RBFOX1: variants seen among roughly 807,000 people sequenced by gnomAD.
The protein encoded by RBFOX1 is RNA binding protein fox-1 homolog 1.
A neutral mutation model predicts 57.7 loss-of-function variants in RBFOX1; 8 were observed. That is an observed-to-expected ratio of 0.14 (90% CI 0.08 to 0.25). The LOEUF (loss-of-function observed/expected upper bound fraction) is 0.25, where lower values mean the gene tolerates loss of function less well. Among genes scored for constraint, RBFOX1 ranks in the 10% least tolerant of loss-of-function variants. The pLI, the probability that RBFOX1 is intolerant of heterozygous loss-of-function variation, is 1.00. For synonymous variants in RBFOX1, 326 were observed against 222.4 expected (o/e 1.47, Z -4.15); for missense variants, 611 against 548.5 (o/e 1.11, Z -1.14).
chr16:6,966,280 G>A (rs978361898), intron 3 of RBFOX1, among the ~76,000 whole-genome samples: 1 of 152,132 alleles, frequency 6.6e-6, no homozygotes, highest in Non-Finnish European at 1.5e-5. Flanking sequence ...CGTTGACTGG[G>A]CACTCCTGCA....
In RBFOX1 at chr16:6,794,276, C is replaced by T. The variant is rs796309287; in HGVS notation, c.-16+139626C>T. ...CCATGTTGTGTGTTGTTTTCTTGTT[C>T]GTGATTTTTTTTTTTTTTTTTTTTT... On this transcript the variant is annotated intron_variant, in intron 3 of 15. Coordinates refer to ENST00000550418, the MANE Select transcript of RBFOX1 (RefSeq NM_018723.4). 1.8e-4 allele frequency among the ~76,000 whole-genome samples: 20 copies of T among 109,414 alleles called. No homozygotes were observed. In the South Asian group the frequency reaches 2.8e-3, roughly 16 times the overall value. 71.8% of individuals were successfully genotyped at this position (109,414 alleles called of 152,430 possible). A position where few individuals can be genotyped will look rare whatever the true frequency, so the allele number is the denominator to read the frequency against.
At chr16:6,670,832 C>T (rs558906679) in intron 3 of RBFOX1, among the ~76,000 whole-genome samples, 3 of 151,178 alleles carry the variant, frequency 2.0e-5, no homozygotes, top group African/African-American at 4.9e-5. Flanking sequence ...CCTGTCTCTA[C>T]TAAAAATGCA....
chr16:6,630,653 G>A (rs2098373423), intron 2 of RBFOX1, among the ~76,000 whole-genome samples: 1 of 152,094 alleles, frequency 6.6e-6, no homozygotes, highest in South Asian at 2.1e-4. Flanking sequence ...CTAGCTGATT[G>A]GTAATACTTA....
chr16:5,776,540 C>G lies in RBFOX1; in HGVS notation c.319-90763C>G, dbSNP rs118017129. Among the ~76,000 whole-genome samples the G allele has an allele frequency of 2.3e-3, 350 of 152,290 alleles. 7 individuals carry two copies. The East Asian group carries it at 0.047, about 20-fold the overall frequency. Reference sequence around the variant, plus strand: ...ATAAGGGTTGGTATTTATTACGTGCCCACTAGTCTGCACCACGTACTGTGC... The same window carrying G: ...ATAAGGGTTGGTATTTATTACGTGCGCACTAGTCTGCACCACGTACTGTGC... On this transcript the variant is annotated intron_variant, in intron 3 of 19. Transcript: ENST00000641259.
At chr16:7,456,855 C>A (rs1432364606) in intron 4 of RBFOX1, among the ~76,000 whole-genome samples, 1 of 152,076 alleles carries the variant, frequency 6.6e-6, no homozygotes, top group Admixed American at 6.5e-5. Flanking sequence ...GAGGAAAGGG[C>A]ATATTTTGGG....
At chr16:7,295,691 T>G (rs1386157760) in intron 4 of RBFOX1, among the ~76,000 whole-genome samples, 5 of 152,010 alleles carry the variant, frequency 3.3e-5, no homozygotes. Flanking sequence ...AGTACACCTT[T>G]TGCAGTCTCG....
At chr16:6,579,648 G>A (rs1298975309) in intron 2 of RBFOX1, among the ~76,000 whole-genome samples, 1 of 152,174 alleles carries the variant, frequency 6.6e-6, no homozygotes, top group South Asian at 2.1e-4. Context: ...GGCTTCCCAA[G>A]CCATGCTGAA....
intron 5 of RBFOX1, among the ~76,000 whole-genome samples, chr16:7,542,699 G>GAAAAAAAAAAAAAAAAAAAAAAA (rs59316335): frequency 1.3e-5 from 1 of 74,366 alleles, no homozygotes; most frequent in Non-Finnish European, 2.5e-5. Flanking sequence ...TACTAAAAAT[G>GAAAAAAAAAAAAAAAAAAAAAAA]AAAAAAAAAA....
At chr16:6,766,001 G>A (rs1442888936) in intron 3 of RBFOX1, among the ~76,000 whole-genome samples, 1 of 151,960 alleles carries the variant, frequency 6.6e-6, no homozygotes, top group Non-Finnish European at 1.5e-5. Flanking sequence ...GGGGGATGAG[G>A]AGCAAAAAAC....
chr16:7,499,293 A>G lies in RBFOX1; in HGVS notation c.28-18854A>G, dbSNP rs1161444643. ...CATCACCCATTCATCTTCAGATGGT[A>G]TGCATATCTGTGTCCACACTTTCCC... On this transcript the variant is annotated intron_variant, in intron 4 of 15. Coordinates refer to ENST00000550418, the MANE Select transcript of RBFOX1 (RefSeq NM_018723.4). 2.6e-5 allele frequency among the ~76,000 whole-genome samples: 4 copies of G among 152,148 alleles called. No individual in the cohort carries two copies. In the East Asian group the frequency reaches 7.7e-4, roughly 29 times the overall value.
intron 14 of RBFOX1, among the ~76,000 whole-genome samples, chr16:7,706,112 G>A (rs2082354238): frequency 1.3e-5 from 2 of 152,164 alleles, no homozygotes; most frequent in African/African-American, 4.8e-5. Context: ...CATATCTGCT[G>A]CAAACGTAGC....
intron 4 of RBFOX1, among the ~76,000 whole-genome samples, chr16:5,868,860 A>C (rs529639172): frequency 4.4e-4 from 67 of 152,340 alleles, no homozygotes; most frequent in Non-Finnish European, 8.5e-4. Flanking sequence ...TGGCAACGGC[A>C]GTGTTTCCTC....
intron 3 of RBFOX1, among the ~76,000 whole-genome samples, chr16:5,775,863 A>G (rs975120676): frequency 5.9e-5 from 9 of 152,204 alleles, no homozygotes; most frequent in South Asian, 2.1e-4. Context: ...GAGAAAGACT[A>G]TCGGACGAGT....
At chr16:5,795,517 C>T (rs2054848833) in intron 3 of RBFOX1, among the ~76,000 whole-genome samples, 1 of 152,026 alleles carries the variant, frequency 6.6e-6, no homozygotes, top group Non-Finnish European at 1.5e-5. Flanking sequence ...TTGTGAATTC[C>T]TGGGCTCAAA....
chr16:5,416,193 C>T (rs1227100368), intron 1 of RBFOX1, among the ~76,000 whole-genome samples: 1 of 152,186 alleles, frequency 6.6e-6, no homozygotes, highest in Non-Finnish European at 1.5e-5. Context: ...CTCCTGGACA[C>T]TATGGTCCCA....
intron 2 of RBFOX1, among the ~76,000 whole-genome samples, chr16:6,501,223 T>C (rs920373136): frequency 2.7e-5 from 4 of 150,776 alleles, no homozygotes; most frequent in Admixed American, 1.3e-4. Flanking sequence ...ATGTGCCATG[T>C]TGGTGTGCTG....
chr16:6,871,889 C>G (rs925806499), intron 3 of RBFOX1, among the ~76,000 whole-genome samples: 11 of 148,608 alleles, frequency 7.4e-5, no homozygotes, highest in East Asian at 2.0e-4. Flanking sequence ...ACAATCCAGG[C>G]TCTTTGAGAG....
chr16:6,558,225 ACT>A (rs1427259851), intron 2 of RBFOX1, among the ~76,000 whole-genome samples: 1 of 151,916 alleles, frequency 6.6e-6, no homozygotes, highest in East Asian at 1.9e-4. Context: ...GGGTGAAATG[ACT>A]CTATGTGGCT....
intron 2 of RBFOX1, among the ~76,000 whole-genome samples, chr16:5,530,701 C>T (rs762861216): frequency 1.3e-5 from 2 of 152,094 alleles, no homozygotes; most frequent in African/African-American, 4.8e-5. Flanking sequence ...CCAGGTGAGA[C>T]TACCAAAAAC....
Sources: allele counts gnomAD v4.1 joint callset (sites outside exome capture counted in the v4.1 genomes callset), GRCh38; gene constraint gnomAD v4.1.1; transcripts MANE v1.5; gene names NCBI Gene and HGNC (gene_info 2026-07-23, HGNC 2026-07-21).